NSMAF: variants seen among roughly 807,000 people sequenced by gnomAD.
The protein encoded by NSMAF is neutral sphingomyelinase activation associated factor.
NSMAF carries 90 observed loss-of-function variants against 134.9 expected under a neutral mutation model. The ratio of observed to expected loss-of-function variants is 0.67; its 90% CI spans 0.56 to 0.79. The LOEUF is 0.79. Ranked by LOEUF, NSMAF falls within the 30% of genes least tolerant of loss-of-function variation. The pLI, the probability that NSMAF is intolerant of heterozygous loss-of-function variation, is 0.00. For missense variants in NSMAF, 1,010 were observed against 1,119.0 expected (o/e 0.90, Z 1.39); for synonymous variants, 358 against 389.6 (o/e 0.92, Z 0.96).
In NSMAF at chr8:58,659,555, C is replaced by G. The variant is rs747497647; in HGVS notation, c.59+18G>C. Reference sequence around the variant, plus strand: ...CGACTAGGCCCCCGGCTGGGCCCTTCTTCAGCTGGGCGCGCACCTCTCCTT... The same window carrying G: ...CGACTAGGCCCCCGGCTGGGCCCTTGTTCAGCTGGGCGCGCACCTCTCCTT... On this transcript the variant is annotated intron_variant, in intron 1 of 30. Transcript: ENST00000038176. The G allele has an allele frequency of 6.6e-7, 1 of 1,526,064 alleles. No individual in the cohort carries two copies. Among genetic ancestry groups the G allele is most frequent in the South Asian group, 1.2e-5 (1 of 81,640 alleles). 94.5% of individuals were successfully genotyped at this position (1,526,064 alleles called of 1,614,324 possible). A position where few individuals can be genotyped will look rare whatever the true frequency, so the allele number is the denominator to read the frequency against.
In NSMAF at chr8:58,640,098, A is replaced by G. The variant is rs1404971329; in HGVS notation, c.149+2886T>C. 9 of 455,438 alleles carry G rather than the reference A, an allele frequency of 2.0e-5. No homozygotes were observed. The East Asian group carries it at 2.8e-4, about 14-fold the overall frequency. The allele number at this position is 455,438 out of a possible 1,614,324, so 28.2% of individuals were successfully genotyped here. A position where few individuals can be genotyped will look rare whatever the true frequency, so the allele number is the denominator to read the frequency against. ...GCACAAGTTGTCCATTATCCAGGAT[A>G]AGTTCTGCAGATTTAATGTAGAGTT... On this transcript the variant is annotated intron_variant, in intron 2 of 30. Transcript: ENST00000038176.
At chr8:58,658,907 G>A (rs776829065) in intron 1 of NSMAF, among the ~76,000 whole-genome samples, 1 of 152,212 alleles carries the variant, frequency 6.6e-6, no homozygotes, top group Non-Finnish European at 1.5e-5. Context: ...CGACTGCAAA[G>A]CTTTCCAACA....
At chr8:58,659,182 G>T in intron 1 of NSMAF, 1 of 1,417,990 alleles carries the variant, frequency 7.1e-7, no homozygotes, top group African/African-American at 1.5e-5. Flanking sequence ...TGCCCGCCGG[G>T]CAGCGTACTC....
At chr8:58,647,620 T>C (rs544666785) in intron 1 of NSMAF, among the ~76,000 whole-genome samples, 2 of 152,270 alleles carry the variant, frequency 1.3e-5, no homozygotes, top group African/African-American at 4.8e-5. Flanking sequence ...GCTCTGGTTG[T>C]TTAAAAGGGT....
At chr8:58,616,580 AG>A (rs1445630814) in intron 9 of NSMAF, among the ~76,000 whole-genome samples, 2 of 152,178 alleles carry the variant, frequency 1.3e-5, no homozygotes, top group African/African-American at 4.8e-5. Context: ...TCAGTAAACT[AG>A]GAACAGAAAG....
At chr8:58,600,276 A>G (rs1806249147) in intron 16 of NSMAF, 1 of 468,192 alleles carries the variant, frequency 2.1e-6, no homozygotes, top group Non-Finnish European at 3.8e-6. Context: ...TAGCTACCAT[A>G]TACACATTGC....
chr8:58,641,852 ATAG>A (rs896442603), intron 2 of NSMAF, among the ~76,000 whole-genome samples: 19 of 152,216 alleles, frequency 1.2e-4, no homozygotes, highest in Admixed American at 1.2e-3. Flanking sequence ...TTTTGCCCTA[ATAG>A]TTACTTTAAA....
chr8:58,595,768 C>A (rs758524948), intron 21 of NSMAF, 109 bp from the exon 22 acceptor site: 3 of 704,398 alleles, frequency 4.3e-6, no homozygotes, highest in South Asian at 1.6e-5. Flanking sequence ...AAATGAAACA[C>A]CCTGTCACAA....
chr8:58,620,081 GTC>G (rs1274597943), intron 9 of NSMAF, among the ~76,000 whole-genome samples: 1 of 152,164 alleles, frequency 6.6e-6, no homozygotes, highest in Non-Finnish European at 1.5e-5. Context: ...ATACAGAAAT[GTC>G]ATCTTTGCAC....
At chr8:58,633,497 T>C (rs1585754931) in intron 5 of NSMAF, among the ~76,000 whole-genome samples, 1 of 152,226 alleles carries the variant, frequency 6.6e-6, no homozygotes, top group East Asian at 1.9e-4. Context: ...TTTCATTTTC[T>C]TCATAGCATT....
At position 58,635,535 on chromosome 8, in the gene NSMAF, C is replaced by A. The variant is rs960125027; in HGVS notation, c.161G>T (p.Gly54Val). 6.3e-7 allele frequency: 1 copy of A among 1,597,998 alleles called. No individual in the cohort carries two copies. The highest frequency in any genetic ancestry group is 1.1e-5 in the South Asian group (1 of 87,780). Residue 54 changes from glycine to valine, a missense_variant, in exon 3 of 31, where the codon GGC becomes GTC. Transcript: ENST00000038176. ...KGSHHERKIR[G>V]SLKICSKSVI... is the part of the protein sequence containing the mutation. ...CGATTTTGAACATATTTTTAAGGAG[C>A]CTCTGATTTTCCTAGGGATCCAAGT...
intron 1 of NSMAF, among the ~76,000 whole-genome samples, chr8:58,652,277 C>T (rs1333426834): frequency 1.3e-5 from 2 of 152,170 alleles, no homozygotes; most frequent in Non-Finnish European, 2.9e-5. Flanking sequence ...TGGTTTGTTG[C>T]AGGCTGGTCT....
intron 1 of NSMAF, among the ~76,000 whole-genome samples, chr8:58,650,801 T>C (rs1211896783): frequency 6.6e-6 from 1 of 152,222 alleles, no homozygotes; most frequent in Non-Finnish European, 1.5e-5. Flanking sequence ...AGTTCTCAAG[T>C]TTAGGATAAA....
intron 1 of NSMAF, among the ~76,000 whole-genome samples, chr8:58,653,061 A>G (rs1807622369): frequency 6.6e-6 from 1 of 152,238 alleles, no homozygotes; most frequent in Non-Finnish European, 1.5e-5. Context: ...ATACCGGACA[A>G]TAACAGACTA....
Position 58,584,196 on chromosome 8 carries a change from A to G in NSMAF, c.2664T>C (p.Ala888=), listed in dbSNP as rs193147155. The G allele has an allele frequency of 7.9e-5, 127 of 1,612,380 alleles. No individual in the cohort carries two copies. The East Asian group carries it at 2.3e-3, about 29-fold the overall frequency. The part of the protein sequence containing the change: ...ISERIQGHTG[A]VTCIWMNEQC... ...GTTCATTCATCCATATACATGTCAC[A>G]GCACCTGAGAGAAAGACATTTTGGT... Residue 888 remains alanine (A), a synonymous_variant, in exon 31 of 31, where the codon GCT becomes GCC. Coordinates refer to ENST00000038176, the MANE Select transcript of NSMAF (RefSeq NM_003580.4).
intron 6 of NSMAF, among the ~76,000 whole-genome samples, chr8:58,630,515 G>T (rs973827591): frequency 1.2e-4 from 18 of 151,994 alleles, no homozygotes; most frequent in African/African-American, 4.3e-4. Flanking sequence ...TCTCAACTTG[G>T]GGGTAGGGTT....
intron 9 of NSMAF, among the ~76,000 whole-genome samples, chr8:58,611,978 T>C (rs2326129): frequency 0.45 from 68,011 of 152,042 alleles, 16,225 homozygotes; most frequent in African/African-American, 0.62. Flanking sequence ...GCTCCCAGTT[T>C]GTGGCACAGA....
At chr8:58,648,899 G>A (rs562916546) in intron 1 of NSMAF, among the ~76,000 whole-genome samples, 2 of 152,354 alleles carry the variant, frequency 1.3e-5, no homozygotes, top group South Asian at 2.1e-4. Context: ...GAACGTCTAC[G>A]ACAGTAGTAT....
chr8:58,648,590 A>G (rs555777018), intron 1 of NSMAF, among the ~76,000 whole-genome samples: 1 of 152,340 alleles, frequency 6.6e-6, no homozygotes, highest in Non-Finnish European at 1.5e-5. Flanking sequence ...AGAGGAAAGA[A>G]GGGCTTAGGG....
Sources: gnomAD v4.1 joint callset for allele counts (sites outside exome capture counted in the v4.1 genomes callset) on GRCh38, gnomAD v4.1.1 for gene constraint, MANE v1.5 for transcripts, NCBI Gene and HGNC (gene_info 2026-07-23, HGNC 2026-07-21) for gene names.